The following APBB1IP variants were observed in gnomAD, a reference collection of about 807,000 sequenced individuals.
APBB1IP encodes amyloid beta precursor protein binding family B member 1 interacting protein.
A neutral mutation model predicts 64.9 loss-of-function variants in APBB1IP; 27 were observed. That is an observed-to-expected ratio of 0.42 (90% CI 0.31 to 0.57). The LOEUF (loss-of-function observed/expected upper bound fraction) is 0.57, where lower values mean the gene tolerates loss of function less well. Among genes scored for constraint, APBB1IP ranks in the 20% least tolerant of loss-of-function variants. The probability of loss-of-function intolerance (pLI) is 0.20; values close to 1 mark genes in which losing one functional copy is unlikely to be tolerated. For missense variants in APBB1IP, 812 were observed against 845.5 expected, an observed-to-expected ratio of 0.96 and a Z score of 0.49; for synonymous variants, 392 against 331.0, an observed-to-expected ratio of 1.18 and a Z score of -2.00.
chr10:26,470,430 T>G (rs950570600), intron 2 of APBB1IP, among the ~76,000 whole-genome samples: 5 of 151,976 alleles, frequency 3.3e-5, no homozygotes, highest in Non-Finnish European at 7.4e-5. Flanking sequence ...TCCCAGCTAC[T>G]AGGGAGGCTG....
chr10:26,491,228 G>A (rs1027544184), intron 2 of APBB1IP, among the ~76,000 whole-genome samples: 5 of 152,022 alleles, frequency 3.3e-5, no homozygotes, highest in Non-Finnish European at 5.9e-5. Context: ...GCAGTGAGCT[G>A]AGATTGCACC....
chr10:26,557,493 A>G (rs1836908697), intron 11 of APBB1IP, among the ~76,000 whole-genome samples: 1 of 152,246 alleles, frequency 6.6e-6, no homozygotes, highest in South Asian at 2.1e-4. Flanking sequence ...AAAAGACCAA[A>G]GAGAGGAATT....
Position 26,501,435 on chromosome 10 carries a change from T to C in APBB1IP, c.453+324T>C. ...TCATATTGAAATGTGGAACTGATTA[T>C]ATATTTCCATGTCCCTGTTCTTAGC... On this transcript the variant is annotated intron_variant, in intron 5 of 14. Coordinates refer to ENST00000376236, the MANE Select transcript of APBB1IP (RefSeq NM_019043.4). 3 of 510,780 alleles carry C rather than the reference T, an allele frequency of 5.9e-6. No individual in the cohort carries two copies. In the East Asian group the frequency reaches 9.1e-5, roughly 15 times the overall value. 31.6% of individuals were successfully genotyped at this position (510,780 alleles called of 1,614,324 possible).
chr10:26,511,060 G>A (rs930500823), intron 6 of APBB1IP, among the ~76,000 whole-genome samples: 1 of 152,110 alleles, frequency 6.6e-6, no homozygotes, highest in African/African-American at 2.4e-5. Flanking sequence ...GAAACAGGTG[G>A]CCAGGTGTGG....
intron 11 of APBB1IP, 117 bp downstream of exon 11, chr10:26,541,809 C>T: frequency 1.5e-6 from 1 of 685,512 alleles, no homozygotes. Context: ...AATTGTTTAA[C>T]CAAAATAGGA....
At chr10:26,557,634 G>T (rs931954202) in intron 11 of APBB1IP, among the ~76,000 whole-genome samples, 3 of 152,196 alleles carry the variant, frequency 2.0e-5, no homozygotes, top group Non-Finnish European at 4.4e-5. Context: ...GGGTCACAGG[G>T]AGGAATATAT....
chr10:26,456,119 G>T (rs897684019), intron 2 of APBB1IP, among the ~76,000 whole-genome samples: 1 of 152,154 alleles, frequency 6.6e-6, no homozygotes, highest in African/African-American at 2.4e-5. Flanking sequence ...CGGATACAGG[G>T]TTTCTTTTAT....
At chr10:26,443,725 CAG>C (rs1417827808) in intron 2 of APBB1IP, among the ~76,000 whole-genome samples, 3 of 151,646 alleles carry the variant, frequency 2.0e-5, no homozygotes, top group East Asian at 1.9e-4. Flanking sequence ...TTTGTAGAGA[CAG>C]GGTCTCATTT....
intron 2 of APBB1IP, among the ~76,000 whole-genome samples, chr10:26,440,034 A>T (rs1055595775): frequency 6.6e-6 from 1 of 152,214 alleles, no homozygotes; most frequent in Non-Finnish European, 1.5e-5. Context: ...CTGTCTGCTC[A>T]ACGTGTGTTG....
intron 6 of APBB1IP, among the ~76,000 whole-genome samples, chr10:26,503,645 A>G (rs1009792783): frequency 3.2e-4 from 49 of 152,266 alleles, no homozygotes; most frequent in African/African-American, 1.0e-3. Context: ...AAAAACAAGA[A>G]AAAAAGAAAA....
intron 2 of APBB1IP, among the ~76,000 whole-genome samples, chr10:26,445,820 C>T (rs1421220804): frequency 6.6e-6 from 1 of 152,172 alleles, no homozygotes; most frequent in East Asian, 1.9e-4. Flanking sequence ...TTGAAGAATG[C>T]TGGACAACAC....
At chr10:26,564,392 T>C (rs943333285) in intron 14 of APBB1IP, among the ~76,000 whole-genome samples, 1 of 152,214 alleles carries the variant, frequency 6.6e-6, no homozygotes, top group Admixed American at 6.5e-5. Context: ...GATTTTACTT[T>C]TCAGAACTCA....
At chr10:26,459,221 A>AT (rs1835562423) in intron 2 of APBB1IP, among the ~76,000 whole-genome samples, 1 of 151,480 alleles carries the variant, frequency 6.6e-6, no homozygotes. Flanking sequence ...CAGTTTACTG[A>AT]GAATGATGAT....
intron 2 of APBB1IP, among the ~76,000 whole-genome samples, chr10:26,466,280 T>C: frequency 6.6e-6 from 1 of 151,994 alleles, no homozygotes; most frequent in East Asian, 1.9e-4. Flanking sequence ...TGGCTTTTGA[T>C]GGGGGGACTT....
intron 2 of APBB1IP, among the ~76,000 whole-genome samples, chr10:26,469,181 T>C (rs1446064047): frequency 6.6e-6 from 1 of 151,762 alleles, no homozygotes; most frequent in Admixed American, 6.6e-5. Flanking sequence ...ATACATTGTA[T>C]AGCTGTACAA....
intron 8 of APBB1IP, among the ~76,000 whole-genome samples, chr10:26,520,114 C>T (rs1323667747): frequency 6.6e-6 from 1 of 152,196 alleles, no homozygotes; most frequent in Non-Finnish European, 1.5e-5. Context: ...GATGTCAAGA[C>T]CAGCCTGGGC....
intron 2 of APBB1IP, among the ~76,000 whole-genome samples, chr10:26,477,559 T>C (rs1835789799): frequency 6.6e-6 from 1 of 152,210 alleles, no homozygotes; most frequent in Non-Finnish European, 1.5e-5. Flanking sequence ...ATTATGTCTT[T>C]TGAAAAAATT....
At chr10:26,503,368 G>T in intron 6 of APBB1IP, 94 bp downstream of exon 6, 3 of 1,217,968 alleles carry the variant, frequency 2.5e-6, no homozygotes, top group Non-Finnish European at 2.3e-6. Flanking sequence ...GGGCGCGGTG[G>T]CTCACACCTG....
intron 2 of APBB1IP, among the ~76,000 whole-genome samples, chr10:26,474,702 A>T (rs1835756121): frequency 6.6e-6 from 1 of 152,238 alleles, no homozygotes; most frequent in African/African-American, 2.4e-5. Flanking sequence ...TTGAGTCTAA[A>T]ATATTTTAGG....
Sources: gnomAD v4.1 joint callset for allele counts (sites outside exome capture counted in the v4.1 genomes callset) on GRCh38, gnomAD v4.1.1 for gene constraint, MANE v1.5 for transcripts, NCBI Gene and HGNC (gene_info 2026-07-23, HGNC 2026-07-21) for gene names.